Variants in KLF8 observed in about 807,000 individuals in gnomAD.
The protein encoded by KLF8 is KLF transcription factor 8, also known as Krueppel-like factor 8.
In KLF8, 10 loss-of-function variants were observed where a neutral mutation model predicts 18.2. The ratio of observed to expected loss-of-function variants is 0.55; its 90% CI spans 0.34 to 0.93. The LOEUF (loss-of-function observed/expected upper bound fraction) is 0.93. KLF8 is among the 40% of genes least tolerant of loss of function. The pLI, the probability that KLF8 is intolerant of heterozygous loss-of-function variation, is 0.02. For missense variants in KLF8, 264 were observed against 277.9 expected (o/e 0.95, Z 0.36); for synonymous variants, 109 against 97.3 (o/e 1.12, Z -0.71).
chrX:56,186,326 C>T, the KLF8 span, among the ~76,000 whole-genome samples: 1 of 111,928 alleles, frequency 8.9e-6, no homozygotes, highest in Non-Finnish European at 1.9e-5. Flanking sequence ...GAACAGCTAA[C>T]TATCCTAAAT....
At chrX:56,174,548 T>C in the KLF8 span, among the ~76,000 whole-genome samples, 1 of 111,983 alleles carries the variant, frequency 8.9e-6, no homozygotes, top group Non-Finnish European at 1.9e-5. Context: ...GATATTCGTC[T>C]AAAATTCTCT....
chrX:56,040,996 G>A, the KLF8 span, among the ~76,000 whole-genome samples: 3 of 101,953 alleles, frequency 2.9e-5, no homozygotes, highest in African/African-American at 7.0e-5. Context: ...TTGAGAGGGT[G>A]CATGTGTCCA....
At chrX:56,165,954 G>A in the KLF8 span, among the ~76,000 whole-genome samples, 1 of 110,896 alleles carries the variant, frequency 9.0e-6, no homozygotes, top group Non-Finnish European at 1.9e-5. Context: ...GAGGCAGATA[G>A]GAATTTGTCA....
chrX:56,278,023 T>C (rs2067144950), intron 5 of KLF8, among the ~76,000 whole-genome samples: 1 of 112,627 alleles, frequency 8.9e-6, no homozygotes, highest in Non-Finnish European at 1.9e-5. Context: ...TGAATGCTGC[T>C]TGGCCTGGGA....
At chrX:56,191,077 A>G in the KLF8 span, among the ~76,000 whole-genome samples, 1 of 112,066 alleles carries the variant, frequency 8.9e-6, no homozygotes, top group African/African-American at 3.2e-5. Context: ...CAGACTAAGA[A>G]AAACAAAAAA....
At chrX:56,010,870 G>C in the KLF8 span, among the ~76,000 whole-genome samples, 1 of 111,915 alleles carries the variant, frequency 8.9e-6, no homozygotes, top group Admixed American at 9.4e-5. Flanking sequence ...TCAAGAAAGA[G>C]AAAGAAGGGC....
intron 2 of KLF8, among the ~76,000 whole-genome samples, chrX:56,255,277 A>G (rs1398492307): frequency 8.9e-6 from 1 of 112,864 alleles, no homozygotes; most frequent in Non-Finnish European, 1.9e-5. Context: ...CTGCAGCTTT[A>G]CTGAATTTGT....
chrX:56,222,656 C>A, the KLF8 span, among the ~76,000 whole-genome samples: 1 of 112,764 alleles, frequency 8.9e-6, no homozygotes, highest in South Asian at 3.6e-4. Context: ...GAGCAGGGGG[C>A]GGCGCTCGTT....
the KLF8 span, among the ~76,000 whole-genome samples, chrX:56,206,249 T>C: frequency 9.9e-5 from 11 of 110,805 alleles, no homozygotes; most frequent in African/African-American, 3.6e-4. Flanking sequence ...TCACATCTCA[T>C]GTCCTCATAT....
chrX:56,175,947 C>A, the KLF8 span, among the ~76,000 whole-genome samples: 1 of 111,196 alleles, frequency 9.0e-6, no homozygotes, highest in East Asian at 2.8e-4. Context: ...TTTCCATTTG[C>A]TTGGCAAATC....
At chrX:56,263,445 G>A (rs1282659036) in intron 2 of KLF8, among the ~76,000 whole-genome samples, 1 of 111,453 alleles carries the variant, frequency 9.0e-6, no homozygotes, top group Admixed American at 9.5e-5. Context: ...AGCACGGATG[G>A]GTTTTTGGTG....
the KLF8 span, among the ~76,000 whole-genome samples, chrX:55,968,656 T>C: frequency 2.2e-4 from 25 of 111,687 alleles, no homozygotes; most frequent in Non-Finnish European, 4.1e-4. Context: ...CGAGATCTGA[T>C]GGTTTTATAA....
rs1361858141 is a variant in KLF8 at position 56,285,842 on chromosome X, G to A, written c.*1348G>A. 2 of 111,427 alleles carry A rather than the reference G, an allele frequency of 1.8e-5. No individual in the cohort carries two copies. Among genetic ancestry groups the A allele is most frequent in the Admixed American group, 1.9e-4 (2 of 10,474 alleles). The allele number at this position is 111,427 out of a possible 1,213,427, so 9.2% of individuals were successfully genotyped here. ...CTCCACATGGCATATTTCCTTTCTG[G>A]GGTCAGGGGTAGGGGAGGGGGCTTT... is the stretch of plus-strand genomic sequence containing the variant. On this transcript the variant is annotated 3_prime_UTR_variant, in exon 6 of 6. Coordinates refer to ENST00000468660, the MANE Select transcript of KLF8 (RefSeq NM_007250.5).
At chrX:55,925,353 G>A in the KLF8 span, among the ~76,000 whole-genome samples, 1 of 108,650 alleles carries the variant, frequency 9.2e-6, no homozygotes, top group Non-Finnish European at 1.9e-5. Context: ...TACATGTAAG[G>A]GTGCAAATGC....
the KLF8 span, among the ~76,000 whole-genome samples, chrX:56,158,294 C>A: frequency 9.0e-6 from 1 of 111,442 alleles, no homozygotes; most frequent in East Asian, 2.8e-4. Flanking sequence ...TTACTGTAGC[C>A]TTGTAGTATA....
At chrX:55,974,814 A>G in the KLF8 span, among the ~76,000 whole-genome samples, 1 of 112,246 alleles carries the variant, frequency 8.9e-6, no homozygotes, top group Non-Finnish European at 1.9e-5. Flanking sequence ...TAGAGATTGC[A>G]TTTAATCTGC....
chrX:56,179,926 C>T, the KLF8 span, among the ~76,000 whole-genome samples: 5 of 111,465 alleles, frequency 4.5e-5, no homozygotes, highest in African/African-American at 9.8e-5. Context: ...ATCAATGTTC[C>T]TCAGGGATGT....
the KLF8 span, among the ~76,000 whole-genome samples, chrX:55,987,768 A>G: frequency 8.9e-6 from 1 of 112,295 alleles, no homozygotes; most frequent in Non-Finnish European, 1.9e-5. Flanking sequence ...TCCCTGAGGA[A>G]TCACCACACT....
At chrX:55,952,666 G>T in the KLF8 span, among the ~76,000 whole-genome samples, 1 of 111,730 alleles carries the variant, frequency 9.0e-6, no homozygotes, top group Non-Finnish European at 1.9e-5. Context: ...AAATTCCTTT[G>T]GACATGTAAG....
Sources: allele counts gnomAD v4.1 joint callset (sites outside exome capture counted in the v4.1 genomes callset), GRCh38; gene constraint gnomAD v4.1.1; transcripts MANE v1.5; gene names NCBI Gene and HGNC (gene_info 2026-07-23, HGNC 2026-07-21).